TF: variants seen among roughly 807,000 people sequenced by gnomAD.
The protein encoded by TF is serotransferrin.
A neutral mutation model predicts 82.4 loss-of-function variants in TF; 55 were observed. That is an observed-to-expected ratio of 0.67 (90% CI 0.54 to 0.84). The LOEUF is 0.84. TF is among the 40% of genes least tolerant of loss of function. TF has a pLI of 0.00. For missense variants in TF, 737 were observed against 868.4 expected (o/e 0.85, Z 1.90); for synonymous variants, 332 against 332.6 (o/e 1.00, Z 0.02).
the TF span, among the ~76,000 whole-genome samples, chr3:133,721,865 T>C: frequency 2.6e-5 from 4 of 152,144 alleles, no homozygotes; most frequent in African/African-American, 4.8e-5. Context: ...TGTCTCTTTT[T>C]ATAGGTTGTT....
At chr3:133,693,056 A>C in the TF span, 1 of 152,290 alleles carries the variant, frequency 6.6e-6, no homozygotes, top group Admixed American at 6.6e-5. Context: ...AGATGGAGTG[A>C]GGGTAACCTG....
chr3:133,691,298 A>G, the TF span, among the ~76,000 whole-genome samples: 4 of 152,210 alleles, frequency 2.6e-5, 1 homozygote, highest in Non-Finnish European at 5.9e-5. Flanking sequence ...CTGACTTCTT[A>G]TGGATGGAAA....
At chr3:133,767,249 G>A (rs2718806) in intron 12 of TF, among the ~76,000 whole-genome samples, 44,395 of 151,958 alleles carry the variant, frequency 0.29, 7,126 homozygotes, top group African/African-American at 0.41. Context: ...TTTCTACCCC[G>A]CTTAAACTTT....
rs1430825271 is a variant in TF at position 133,780,464 on chromosome 3, G to A, written c.*1844G>A. On this transcript the variant is annotated 3_prime_UTR_variant, in exon 17 of 17. Transcript: ENST00000402696. ...AGTTACTAAAATAGGATAGACAGAT[G>A]TTATTTGGCCATAATTTTATATACA... 6.6e-6 allele frequency: 1 copy of A among 152,114 alleles called. No individual in the cohort carries two copies. The highest frequency in any genetic ancestry group is 1.5e-5 in the Non-Finnish European group (1 of 68,016). 9.4% of individuals were successfully genotyped at this position (152,114 alleles called of 1,614,324 possible).
upstream of TF, among the ~76,000 whole-genome samples, chr3:133,745,348 C>A (rs8177314): frequency 1.9e-3 from 290 of 152,288 alleles, no homozygotes; most frequent in Non-Finnish European, 3.0e-3. Flanking sequence ...TTGACCTTTC[C>A]CCAAGTATAT....
At chr3:133,723,861 T>C in the TF span, among the ~76,000 whole-genome samples, 2 of 151,972 alleles carry the variant, frequency 1.3e-5, no homozygotes, top group Non-Finnish European at 1.5e-5. Flanking sequence ...TGTGTCCATG[T>C]GTTCTCATTG....
At chr3:133,754,818 T>C (rs1933779352) in intron 4 of TF, 147 bp downstream of exon 4, 3 of 920,938 alleles carry the variant, frequency 3.3e-6, no homozygotes, top group Non-Finnish European at 5.3e-6. Context: ...CTGGCAGGTC[T>C]GCTGCACCAG....
At chr3:133,747,311 C>T (rs1800277) in intron 1 of TF, 10,547 of 152,420 alleles carry the variant, frequency 0.069, 445 homozygotes, top group South Asian at 0.12. Flanking sequence ...GACACATTCT[C>T]GCCTATGGGA....
Position 133,789,871 on chromosome 3 carries a change from T to C in TF, c.*11251T>C, listed in dbSNP as rs1934784118. 1 of 139,052 alleles carries C rather than the reference T, an allele frequency of 7.2e-6. No individual in the cohort carries two copies. Among genetic ancestry groups the C allele is most frequent in the African/African-American group, 2.6e-5 (1 of 38,380 alleles). The allele number at this position is 139,052 out of a possible 1,614,324, so 8.6% of individuals were successfully genotyped here. The stretch of plus-strand genomic sequence containing the variant: ...TAAACCCAGCCAAAACAAAACGATC[T>C]CGTTTGCGTTTTTTTTTTTTTTTTT... On this transcript the variant is annotated 3_prime_UTR_variant, in exon 17 of 17. Transcript: ENST00000402696.
chr3:133,778,580 C>T lies in TF; in HGVS notation c.2063-6C>T, dbSNP rs1934452499. On this transcript the variant is annotated splice_polypyrimidine_tract_variant and splice_region_variant and intron_variant, in intron 16 of 16. Transcript: ENST00000402696. ...GAAAATCCTACCTCTCTGCTCTGCT[C>T]CACAGCACTCCTGGAAGCCTGCACT... 1.2e-6 allele frequency: 2 copies of T among 1,612,868 alleles called. No individual in the cohort carries two copies. Among genetic ancestry groups the T allele is most frequent in the Admixed American group, 1.7e-5 (1 of 59,978 alleles).
chr3:133,775,273 C>T, intron 14 of TF, 160 bp from the exon 15 acceptor site: 1 of 732,722 alleles, frequency 1.4e-6, no homozygotes, highest in Non-Finnish European at 2.4e-6. Flanking sequence ...TTGTAGACCA[C>T]ATGGGTGTCT....
At chr3:133,755,857 T>A in intron 5 of TF, 1 of 445,816 alleles carries the variant, frequency 2.2e-6, no homozygotes, top group Non-Finnish European at 4.1e-6. Context: ...TCAGCAGTGT[T>A]ACCTGCTCAG....
the TF span, among the ~76,000 whole-genome samples, chr3:133,727,668 AT>A: frequency 1.7e-5 from 2 of 118,350 alleles, no homozygotes; most frequent in Non-Finnish European, 1.8e-5. Context: ...TAAAGTTAAT[AT>A]TGTTATGTGT....
the TF span, among the ~76,000 whole-genome samples, chr3:133,693,312 A>G: frequency 1.3e-5 from 2 of 151,952 alleles, no homozygotes; most frequent in African/African-American, 4.8e-5. Context: ...GGCTTGGGAC[A>G]TGGGCAAGGA....
chr3:133,720,003 A>G, the TF span, among the ~76,000 whole-genome samples: 1 of 151,892 alleles, frequency 6.6e-6, no homozygotes, highest in Admixed American at 6.6e-5. Context: ...TTTTTGATGG[A>G]GTTTTTAGGG....
intron 10 of TF, among the ~76,000 whole-genome samples, chr3:133,764,613 A>G (rs1444747831): frequency 2.0e-5 from 3 of 152,202 alleles, no homozygotes; most frequent in Non-Finnish European, 2.9e-5. Flanking sequence ...GGATTTAAAT[A>G]TAGTTGGCTA....
chr3:133,736,157 C>T, the TF span, among the ~76,000 whole-genome samples: 1 of 152,176 alleles, frequency 6.6e-6, no homozygotes. Context: ...ATTCAACATT[C>T]TTAAAGAAAG....
chr3:133,683,835 C>T, the TF span, among the ~76,000 whole-genome samples: 12 of 152,192 alleles, frequency 7.9e-5, no homozygotes, highest in Non-Finnish European at 1.5e-4. Flanking sequence ...TTGAACTCAG[C>T]TCTGCACCAA....
chr3:133,750,157 A>AGG (rs932306220), intron 2 of TF, among the ~76,000 whole-genome samples: 15 of 152,194 alleles, frequency 9.9e-5, no homozygotes, highest in Non-Finnish European at 1.5e-5. Flanking sequence ...AAGGGAGGTC[A>AGG]GGGGCCTATC....
Sources: allele counts gnomAD v4.1 joint callset (sites outside exome capture counted in the v4.1 genomes callset), GRCh38; gene constraint gnomAD v4.1.1; transcripts MANE v1.5; gene names NCBI Gene and HGNC (gene_info 2026-07-23, HGNC 2026-07-21).